SNAP47: variants seen among roughly 807,000 people sequenced by gnomAD.
SNAP47 encodes the protein synaptosome associated protein 47.
In SNAP47, 20 loss-of-function variants were observed where a neutral mutation model predicts 31.4. The observed-to-expected ratio is 0.64, with a 90% CI of 0.45 to 0.93. The LOEUF (loss-of-function observed/expected upper bound fraction) is 0.93, where lower values mean the gene tolerates loss of function less well. SNAP47 is among the 40% of genes least tolerant of loss of function. The pLI is 0.00. For missense variants in SNAP47, 492 were observed against 528.5 expected (o/e 0.93, Z 0.68); for synonymous variants, 194 against 213.4 (o/e 0.91, Z 0.79).
chr1:227,740,159 C>T (rs74904281), intron 1 of SNAP47, among the ~76,000 whole-genome samples: 11,973 of 152,218 alleles, frequency 0.079, 621 homozygotes, highest in Middle Eastern at 0.21. Flanking sequence ...CTTAGGAAGG[C>T]GAGGAAGCCC....
chr1:227,770,516 G>A (rs182193310), intron 4 of SNAP47: 1 of 154,766 alleles, frequency 6.5e-6, no homozygotes. Flanking sequence ...TGCCTTCTAT[G>A]AAACTATTTT....
chr1:227,765,312 C>T (rs2102970820), intron 3 of SNAP47, among the ~76,000 whole-genome samples: 1 of 152,358 alleles, frequency 6.6e-6, no homozygotes, highest in South Asian at 2.1e-4. Flanking sequence ...TGTGCCCCTC[C>T]ATTCCTGTGG....
intron 2 of SNAP47, among the ~76,000 whole-genome samples, chr1:227,748,735 G>A (rs1662146329): frequency 6.6e-6 from 1 of 152,212 alleles, no homozygotes; most frequent in Non-Finnish European, 1.5e-5. Context: ...TGGCCTCTGA[G>A]GTCACAGAGG....
At chr1:227,773,546 A>T (rs1457534608) in intron 4 of SNAP47, among the ~76,000 whole-genome samples, 1 of 152,242 alleles carries the variant, frequency 6.6e-6, no homozygotes, top group Non-Finnish European at 1.5e-5. Flanking sequence ...GTGTTCAGTC[A>T]TGCCTAAGCC....
Position 227,759,455 on chromosome 1 carries a change from G to C in SNAP47, c.958G>C (p.Ala320Pro), listed in dbSNP as rs183802543. ...CAGAAGCGCAAGAACCTCTTCCCCC[G>C]CAGAGAAGAGCTGCTCAGTCTGGCA... is the stretch of plus-strand genomic sequence containing the variant. ...VLRSARTSSP[A>P]EKSCSVWHAA... Residue 320 changes from alanine to proline, a missense_variant, in exon 3 of 5, where the codon GCA becomes CCA. Transcript: ENST00000617596. 6.2e-7 allele frequency: 1 copy of C among 1,613,984 alleles called. No homozygotes were observed.
chr1:227,734,352 TAAAA>T (rs56684758), upstream of SNAP47: 264 of 77,494 alleles, frequency 3.4e-3, no homozygotes, highest in South Asian at 0.011. Context: ...CTAGTCTCTT[TAAAA>T]AAAAAAAAAA....
chr1:227,734,749 C>A (rs1197148681), upstream of SNAP47: 1 of 1,614,168 alleles, frequency 6.2e-7, no homozygotes, highest in South Asian at 1.1e-5. Flanking sequence ...CTCTGAGAGT[C>A]ATGTGCTCTT....
intron 1 of SNAP47, among the ~76,000 whole-genome samples, chr1:227,742,013 T>A (rs1245440144): frequency 6.6e-6 from 1 of 151,938 alleles, no homozygotes; most frequent in East Asian, 1.9e-4. Flanking sequence ...TTTTTTTCTT[T>A]TTTTTCTTTT....
chr1:227,764,690 G>A (rs575622189), intron 3 of SNAP47, among the ~76,000 whole-genome samples: 1 of 152,280 alleles, frequency 6.6e-6, no homozygotes, highest in Admixed American at 6.5e-5. Context: ...CGAATCACGA[G>A]GTCAGGAGTT....
upstream of SNAP47, chr1:227,732,571 C>T (rs1286523596): frequency 6.2e-7 from 1 of 1,613,516 alleles, no homozygotes; most frequent in South Asian, 1.1e-5. Flanking sequence ...CCAGCACCGT[C>T]CTCAGCGGCT....
Position 227,747,549 on chromosome 1 carries a change from T to C in SNAP47, c.-45-143T>C, listed in dbSNP as rs1295385572. 5.0e-6 allele frequency: 4 copies of C among 802,140 alleles called. No homozygotes were observed. The East Asian group carries it at 1.1e-4, about 21-fold the overall frequency. The allele number at this position is 802,140 out of a possible 1,614,324, so 49.7% of individuals were successfully genotyped here. A position where few individuals can be genotyped will look rare whatever the true frequency, so the allele number is the denominator to read the frequency against. On this transcript the variant is annotated intron_variant, in intron 1 of 4. Transcript: ENST00000617596. ...CTGAGAGGGTACATGGGCTTCGTCATGCAGCCACAGGTGGATCGAGAGTCA... is the reference window on the plus strand; with the variant it reads ...CTGAGAGGGTACATGGGCTTCGTCACGCAGCCACAGGTGGATCGAGAGTCA...
At chr1:227,734,986 C>T (rs1009762689), upstream of SNAP47, 2 of 1,511,180 alleles carry the variant, frequency 1.3e-6, no homozygotes, top group East Asian at 2.3e-5. Context: ...TTCCTCCCCG[C>T]CCGGGGTCTG....
chr1:227,759,670 A>G lies in SNAP47; in HGVS notation c.988+185A>G, dbSNP rs78312245. The G allele has an allele frequency of 1.4e-3, 982 of 695,582 alleles. 7 individuals are homozygous for G. In the African/African-American group the frequency reaches 0.015, roughly 11 times the overall value. The allele number at this position is 695,582 out of a possible 1,614,324, so 43.1% of individuals were successfully genotyped here. ...CCAGACCATTTTCCTTGTACTTGAC[A>G]TCTGTGAATCTGAAATCACTGAGAG... On this transcript the variant is annotated intron_variant, in intron 3 of 4. Transcript: ENST00000617596.
chr1:227,759,303 G>A lies in SNAP47; in HGVS notation c.806G>A (p.Arg269His), dbSNP rs779634328. The change falls in exon 3 of 5, where the codon CGC (arginine) becomes CAC (histidine). Residue 269 changes from arginine to histidine, a missense_variant. Coordinates refer to ENST00000617596, the MANE Select transcript of SNAP47 (RefSeq NM_053052.4). ...KVHSPYEISIRQRFIGKPDMA... is the reference protein window; with the variant it reads ...KVHSPYEISIHQRFIGKPDMA... ...CACTCACCTTACGAAATTAGCATCCGCCAGCGGTTTATTGGAAAGCCAGAC... is the reference window on the plus strand; with the variant it reads ...CACTCACCTTACGAAATTAGCATCCACCAGCGGTTTATTGGAAAGCCAGAC... The A allele has an allele frequency of 1.1e-5, 17 of 1,614,088 alleles. No individual in the cohort carries two copies. Among genetic ancestry groups the A allele is most frequent in the African/African-American group, 8.0e-5 (6 of 74,938 alleles).
At chr1:227,750,285 G>A (rs1662263507) in intron 2 of SNAP47, among the ~76,000 whole-genome samples, 1 of 152,230 alleles carries the variant, frequency 6.6e-6, no homozygotes, top group African/African-American at 2.4e-5. Context: ...ACAGTTGCAG[G>A]CCGAAGGCCA....
intron 1 of SNAP47, among the ~76,000 whole-genome samples, chr1:227,737,204 A>G (rs545421664): frequency 1.2e-4 from 18 of 152,342 alleles, no homozygotes; most frequent in African/African-American, 4.3e-4. Context: ...AGCTACCCAC[A>G]TGGATGCAGA....
intron 4 of SNAP47, among the ~76,000 whole-genome samples, chr1:227,771,157 G>A (rs957638685): frequency 6.6e-6 from 1 of 152,308 alleles, no homozygotes; most frequent in East Asian, 1.9e-4. Context: ...TCAGCGTCCC[G>A]TACTTTCCTG....
rs184801163 is a variant in SNAP47, at chr1:227,780,198, A to G, written c.1114-329A>G. 1.1e-3 allele frequency among the ~76,000 whole-genome samples: 163 copies of G among 152,248 alleles called. 1 individual carries two copies. Among genetic ancestry groups the G allele is most frequent in the Non-Finnish European group, 1.7e-3 (118 of 68,012 alleles). On this transcript the variant is annotated intron_variant, in intron 4 of 4. Transcript: ENST00000617596. ...CTGTGGGCAGGAATTCCACACCCAC[A>G]TGCAACGCTCCCACAAGGTCAGCCA...
intron 3 of SNAP47, among the ~76,000 whole-genome samples, chr1:227,761,093 G>A (rs999207849): frequency 6.6e-6 from 1 of 152,200 alleles, no homozygotes; most frequent in African/African-American, 2.4e-5. Context: ...ACTATAATGC[G>A]TGTCTATACG....
Sources: allele counts gnomAD v4.1 joint callset (sites outside exome capture counted in the v4.1 genomes callset), GRCh38; gene constraint gnomAD v4.1.1; transcripts MANE v1.5; gene names NCBI Gene and HGNC (gene_info 2026-07-23, HGNC 2026-07-21).